SCLY: variants seen among roughly 807,000 people sequenced by gnomAD.
The protein encoded by SCLY is selenocysteine lyase.
Under a neutral mutation model 50.1 loss-of-function variants are expected in SCLY, and 38 were observed. The observed-to-expected ratio is 0.76, with a 90% CI of 0.59 to 0.99. The LOEUF is 0.99. Among genes scored for constraint, SCLY ranks in the 50% least tolerant of loss-of-function variants. The pLI is 0.00. For missense variants in SCLY, 600 were observed against 620.0 expected (o/e 0.97, Z 0.34); for synonymous variants, 243 against 249.4 (o/e 0.97, Z 0.24).
rs1415481642 is a variant in SCLY at position 238,099,250 on chromosome 2, C to G, written c.*895C>G. 2.1e-6 allele frequency: 1 copy of G among 471,506 alleles called. No homozygotes were observed. The highest frequency in any genetic ancestry group is 2.4e-5 in the Admixed American group (1 of 42,540). The allele number at this position is 471,506 out of a possible 1,614,324, so 29.2% of individuals were successfully genotyped here. ...TGCAGAGGATTCTTTTCTCAAAATG[C>G]TCTGGCATTTGGACACACATCACAT... On this transcript the variant is annotated 3_prime_UTR_variant, in exon 12 of 12. Coordinates refer to ENST00000254663, the MANE Select transcript of SCLY (RefSeq NM_016510.7).
intron 4 of SCLY, among the ~76,000 whole-genome samples, chr2:238,074,097 A>G (rs1478796067): frequency 2.0e-5 from 3 of 152,118 alleles, no homozygotes; most frequent in Non-Finnish European, 2.9e-5. Context: ...ACTTGAGGTC[A>G]GGAGTTCGAG....
At chr2:238,068,983 T>C (rs1418100864) in intron 3 of SCLY, among the ~76,000 whole-genome samples, 1 of 152,252 alleles carries the variant, frequency 6.6e-6, no homozygotes, top group African/African-American at 2.4e-5. Context: ...ATACTCTTTA[T>C]GGCAGATTTA....
At position 238,066,169 on chromosome 2, in the gene SCLY, C is replaced by T. The variant is rs1576661003; in HGVS notation, c.202+1700C>T. Among the ~76,000 whole-genome samples the T allele has an allele frequency of 1.3e-5, 2 of 152,164 alleles. No individual in the cohort carries two copies. The highest frequency in any genetic ancestry group is 2.1e-4 in the South Asian group (1 of 4,830). The stretch of plus-strand genomic sequence containing the variant: ...TCGGCAAAACAAGAAACCTAGTGAG[C>T]ATTGCACTGTTGTGCATGTGGAAGT... On this transcript the variant is annotated intron_variant, in intron 2 of 11. Transcript: ENST00000254663. This position sits in a 1 kb window ranked among gnomAD's most constrained non-coding sequence, Gnocchi z 4.1.
rs376422609 is a variant in SCLY, at chr2:238,083,750, A to G, written c.884+396A>G. Among the ~76,000 whole-genome samples, 3 of 152,166 alleles carry G rather than the reference A, an allele frequency of 2.0e-5. No homozygotes were observed. The highest frequency in any genetic ancestry group is 7.2e-5 in the African/African-American group (3 of 41,422). Reference sequence around the variant, plus strand: ...TTCTGATAGCTCCTGTGTCCCCTCTATGTATAGTGACGTGTTAACTGGGAA... The same window carrying G: ...TTCTGATAGCTCCTGTGTCCCCTCTGTGTATAGTGACGTGTTAACTGGGAA... On this transcript the variant is annotated intron_variant, in intron 7 of 11. Transcript: ENST00000254663. This position sits in a 1 kb window ranked among gnomAD's most constrained non-coding sequence, Gnocchi z 4.3.
At chr2:238,089,271 C>T (rs1052430034) in intron 7 of SCLY, among the ~76,000 whole-genome samples, 2 of 151,960 alleles carry the variant, frequency 1.3e-5, no homozygotes, top group South Asian at 2.1e-4. Context: ...AGACACATGC[C>T]GTGTTCATAG....
chr2:238,096,992 C>A, intron 11 of SCLY, 116 bp downstream of exon 11: 3 of 1,023,724 alleles, frequency 2.9e-6, no homozygotes, highest in South Asian at 1.7e-5. Flanking sequence ...AAGGACAGCC[C>A]TGTCTGGGCC....
chr2:238,087,392 G>T (rs1436208334), intron 7 of SCLY, among the ~76,000 whole-genome samples: 2 of 152,190 alleles, frequency 1.3e-5, no homozygotes, highest in Non-Finnish European at 2.9e-5. Context: ...CACATAGGAA[G>T]TTGACAACTT....
chr2:238,078,882 AG>A (rs1360003189), intron 4 of SCLY: 1 of 151,636 alleles, frequency 6.6e-6, no homozygotes, highest in African/African-American at 2.4e-5. Flanking sequence ...TAGTAGAAAC[AG>A]GGTTTCTCCA....
intron 11 of SCLY, 86 bp downstream of exon 11, chr2:238,096,962 G>GA (rs2065444043): frequency 7.7e-7 from 1 of 1,305,416 alleles, no homozygotes; most frequent in African/African-American, 1.5e-5. Flanking sequence ...TCCGGCCACT[G>GA]GGCCGCACTC....
chr2:238,094,014 G>C, intron 9 of SCLY, 70 bp downstream of exon 9: 5 of 1,367,468 alleles, frequency 3.7e-6, no homozygotes, highest in Non-Finnish European at 3.1e-6. Context: ...GAGGAGGGGT[G>C]TGGTGCTCCC....
At chr2:238,082,424 G>T (rs377097156) in intron 6 of SCLY, among the ~76,000 whole-genome samples, 73 of 152,324 alleles carry the variant, frequency 4.8e-4, no homozygotes, top group African/African-American at 1.7e-3. Context: ...GATGGGGGGG[G>T]TGCCCAGCCC....
chr2:238,067,444 G>A lies in SCLY; in HGVS notation c.203-621G>A, dbSNP rs78164289. On this transcript the variant is annotated intron_variant, in intron 2 of 11. Transcript: ENST00000254663. This position sits in a 1 kb window ranked among gnomAD's most constrained non-coding sequence, Gnocchi z 4.3. The stretch of plus-strand genomic sequence containing the variant: ...CTAAGAATGGTCACTGAAACTTTCG[G>A]CATTCCCATGCCAGAGCCTTTCCTT... Among the ~76,000 whole-genome samples, 3,914 of 152,296 alleles carry A rather than the reference G, an allele frequency of 0.026. 167 individuals are homozygous for A. Among genetic ancestry groups the A allele is most frequent in the African/African-American group, 0.09 (3,746 of 41,540 alleles).
At chr2:238,077,951 C>T (rs917769188) in intron 4 of SCLY, among the ~76,000 whole-genome samples, 3 of 112,518 alleles carry the variant, frequency 2.7e-5, no homozygotes, top group Non-Finnish European at 5.4e-5. Context: ...CCTGTAGATT[C>T]TCTTTTTTTT....
intron 7 of SCLY, among the ~76,000 whole-genome samples, chr2:238,088,278 A>G (rs1004856874): frequency 6.6e-6 from 1 of 151,890 alleles, no homozygotes; most frequent in African/African-American, 2.4e-5. Context: ...CCTGGCCAAC[A>G]TGGTGAAATC....
In SCLY at chr2:238,098,649, G is replaced by GAACGCCCACAT. The variant is rs1691346572; in HGVS notation, c.*295_*296insACGCCCACATA. The GAACGCCCACAT allele has an allele frequency of 3.9e-6, 1 of 255,688 alleles. No homozygotes were observed. Among genetic ancestry groups the GAACGCCCACAT allele is most frequent in the African/African-American group, 2.7e-5 (1 of 37,550 alleles). 15.8% of individuals were successfully genotyped at this position (255,688 alleles called of 1,614,324 possible). A position where few individuals can be genotyped will look rare whatever the true frequency, so the allele number is the denominator to read the frequency against. On this transcript the variant is annotated 3_prime_UTR_variant, in exon 12 of 12. Transcript: ENST00000254663. ...CGCCCACATGGGACCGCCCACATGGGACCGCCCACATAGAACCGTCCTCCA... is the reference window on the plus strand; with the variant it reads ...CGCCCACATGGGACCGCCCACATGGGAACGCCCACATACCGCCCACATAGAACCGTCCTCCA...
chr2:238,098,204 C>T lies in SCLY; in HGVS notation c.1187C>T (p.Pro396Leu), dbSNP rs775329973. ...CAGCTCGGTCTCGCCCTCCCCAGGC[C>T]GTCCCCAGTGCTGCTGAGCTACGGT... ...AACHSDHGDQPSPVLLSYGVP... is the reference protein window; with the variant it reads ...AACHSDHGDQLSPVLLSYGVP... Residue 396 changes from proline to leucine, a missense_variant and splice_region_variant, in exon 12 of 12, where the codon CCG (proline) becomes CTG (leucine). Physicochemically the swap from Pro to Leu is moderately conservative, Grantham distance 98. Transcript: ENST00000254663. 36 of 1,609,864 alleles carry T rather than the reference C, an allele frequency of 2.2e-5. No homozygotes were observed. The highest frequency in any genetic ancestry group is 5.0e-5 in the Admixed American group (3 of 59,894).
Position 238,068,094 on chromosome 2 carries a change from G to A in SCLY, c.232G>A (p.Ala78Thr). 1 of 1,612,650 alleles carries A rather than the reference G, an allele frequency of 6.2e-7. No individual in the cohort carries two copies. The highest frequency in any genetic ancestry group is 8.5e-7 in the Non-Finnish European group (1 of 1,179,522). The change falls in exon 3 of 12, where the codon GCT becomes ACT. Residue 78 changes from alanine (A) to threonine (T), a missense_variant. Physicochemically the swap from Ala to Thr is moderately conservative, Grantham distance 58. Transcript: ENST00000254663. ...AAAGGCCAAGGATATTATAAATGCA[G>A]CTCGGGAAAGCCTCGCGAAGATGAT... is the stretch of plus-strand genomic sequence containing the variant. ...GRKAKDIINA[A>T]RESLAKMIGG...
chr2:238,083,080 T>G lies in SCLY; in HGVS notation c.778-168T>G, dbSNP rs774155992. ...GGGGTTCCACCCTGCCCCGAAGGCT[T>G]TTGTGACTCTGCGTGTCAAAAGGGG... On this transcript the variant is annotated intron_variant, in intron 6 of 11. Coordinates refer to ENST00000254663, the MANE Select transcript of SCLY (RefSeq NM_016510.7). The surrounding 1 kb of genome is among the most constrained non-coding windows in gnomAD (Gnocchi z 4.3). The G allele has an allele frequency of 1.4e-6, 1 of 700,966 alleles. No homozygotes were observed. The highest frequency in any genetic ancestry group is 2.7e-6 in the Non-Finnish European group (1 of 375,060). 43.4% of individuals were successfully genotyped at this position (700,966 alleles called of 1,614,324 possible).
At chr2:238,084,262 C>T (rs1368415446) in intron 7 of SCLY, among the ~76,000 whole-genome samples, 6 of 152,138 alleles carry the variant, frequency 3.9e-5, no homozygotes, top group African/African-American at 7.2e-5. Context: ...TCACAGGGAG[C>T]GTCCTCCCAT....
Sources: allele counts gnomAD v4.1 joint callset (sites outside exome capture counted in the v4.1 genomes callset), GRCh38; gene constraint gnomAD v4.1.1; non-coding constraint Gnocchi (gnomAD v3.1); transcripts MANE v1.5; gene names NCBI Gene and HGNC (gene_info 2026-07-23, HGNC 2026-07-21).